The following TLCD4 variants were observed in gnomAD, a reference collection of about 807,000 sequenced individuals.
The protein encoded by TLCD4 is TLC domain-containing protein 4.
TLCD4 carries 7 observed loss-of-function variants against 24.2 expected under a neutral mutation model. The observed-to-expected ratio is 0.29, with a 90% confidence interval of 0.16 to 0.54. The LOEUF (loss-of-function observed/expected upper bound fraction) is 0.54. TLCD4 is among the 20% of genes least tolerant of loss of function. The pLI, the probability that TLCD4 is intolerant of heterozygous loss-of-function variation, is 0.95. For synonymous variants in TLCD4, 103 were observed against 106.4 expected (o/e 0.97, Z 0.20); for missense variants, 259 against 313.9 (o/e 0.82, Z 1.32).
At chr1:95,105,533 C>T in the TLCD4 span, among the ~76,000 whole-genome samples, 2 of 152,168 alleles carry the variant, frequency 1.3e-5, no homozygotes, top group African/African-American at 2.4e-5. Flanking sequence ...TATATTACTT[C>T]ATTTGTTTCT....
intron 6 of TLCD4, among the ~76,000 whole-genome samples, chr1:95,183,815 C>T (rs1355930579): frequency 2.0e-5 from 3 of 151,334 alleles, no homozygotes; most frequent in South Asian, 2.1e-4. Context: ...TCCAGCCTGG[C>T]GACAGAGCAA....
At chr1:95,184,221 T>G (rs1678751145) in intron 6 of TLCD4, among the ~76,000 whole-genome samples, 2 of 152,162 alleles carry the variant, frequency 1.3e-5, no homozygotes, top group Admixed American at 6.5e-5. Context: ...TCTTCATTCC[T>G]CTTGGACTCA....
chr1:95,126,393 A>C (rs1571724228), intron 1 of TLCD4, among the ~76,000 whole-genome samples: 1 of 148,840 alleles, frequency 6.7e-6, no homozygotes, highest in African/African-American at 2.5e-5. Flanking sequence ...ACTCCACTGC[A>C]CTCCAGCCCA....
chr1:95,104,453 A>T, the TLCD4 span, among the ~76,000 whole-genome samples: 1 of 151,774 alleles, frequency 6.6e-6, no homozygotes, highest in Non-Finnish European at 1.5e-5. Flanking sequence ...TCAGGAGGTC[A>T]GGAGATCGAG....
chr1:95,148,926 T>C, intron 3 of TLCD4, 135 bp downstream of exon 3: 3 of 1,220,122 alleles, frequency 2.5e-6, no homozygotes, highest in Non-Finnish European at 3.3e-6. Context: ...TGCTCAGACA[T>C]TCTAGCAAAG....
intron 5 of TLCD4, among the ~76,000 whole-genome samples, chr1:95,159,154 T>A (rs1677712818): frequency 6.6e-6 from 1 of 152,184 alleles, no homozygotes; most frequent in African/African-American, 2.4e-5. Context: ...TTTCTCCACA[T>A]CCTCTCCAGC....
chr1:95,192,159 C>T lies in TLCD4; in HGVS notation c.*291C>T, dbSNP rs552681128. The T allele has an allele frequency of 2.3e-3, 807 of 345,426 alleles. 5 individuals carry two copies. The highest frequency in any genetic ancestry group is 2.9e-3 in the Non-Finnish European group (624 of 213,932). The allele number at this position is 345,426 out of a possible 1,614,324, so 21.4% of individuals were successfully genotyped here. A position where few individuals can be genotyped will look rare whatever the true frequency, so the allele number is the denominator to read the frequency against. Reference sequence around the variant, plus strand: ...AAAAATACAAAAAAAAGTAGCTGGGCGTGGTGGTTGGCGCCTGTAATCCCA... The same window carrying T: ...AAAAATACAAAAAAAAGTAGCTGGGTGTGGTGGTTGGCGCCTGTAATCCCA... On this transcript the variant is annotated 3_prime_UTR_variant, in exon 7 of 7. Transcript: ENST00000370203.
intron 1 of TLCD4, among the ~76,000 whole-genome samples, chr1:95,132,073 A>G (rs1676910605): frequency 6.6e-6 from 1 of 152,210 alleles, no homozygotes; most frequent in African/African-American, 2.4e-5. Context: ...ACTTAGTACA[A>G]AAGTTTTTGC....
chr1:95,179,656 T>C (rs1244046381), intron 6 of TLCD4, among the ~76,000 whole-genome samples: 2 of 152,200 alleles, frequency 1.3e-5, no homozygotes, highest in Non-Finnish European at 2.9e-5. Flanking sequence ...ACAACATAGC[T>C]TAAGAAGAAA....
intron 1 of TLCD4, among the ~76,000 whole-genome samples, chr1:95,118,588 A>G (rs1175775946): frequency 6.6e-6 from 1 of 152,198 alleles, no homozygotes; most frequent in Non-Finnish European, 1.5e-5. Context: ...ATTTAATAAA[A>G]TCTTTACGCA....
intron 1 of TLCD4, among the ~76,000 whole-genome samples, chr1:95,118,790 C>A (rs2100896396): frequency 6.6e-6 from 1 of 152,256 alleles, no homozygotes. Context: ...CTTATCTTTT[C>A]CTTAAATTGG....
chr1:95,106,514 G>A, the TLCD4 span, among the ~76,000 whole-genome samples: 2 of 152,068 alleles, frequency 1.3e-5, no homozygotes, highest in African/African-American at 4.8e-5. Flanking sequence ...CAGCCTGGGC[G>A]ACATGGTGAA....
intron 6 of TLCD4, among the ~76,000 whole-genome samples, chr1:95,190,337 CTTTTCT>C (rs1463074377): frequency 2.7e-5 from 4 of 149,992 alleles, no homozygotes; most frequent in African/African-American, 9.8e-5. Flanking sequence ...CTTTTCTTTT[CTTTTCT>C]TTTTTGAGAT....
At chr1:95,189,185 A>G (rs1678939534) in intron 6 of TLCD4, among the ~76,000 whole-genome samples, 1 of 152,122 alleles carries the variant, frequency 6.6e-6, no homozygotes, top group African/African-American at 2.4e-5. Context: ...ATACATGTAT[A>G]ATGGTTTCAG....
At chr1:95,171,582 A>G (rs1329581540) in intron 5 of TLCD4, among the ~76,000 whole-genome samples, 1 of 152,228 alleles carries the variant, frequency 6.6e-6, no homozygotes, top group Non-Finnish European at 1.5e-5. Flanking sequence ...AAATGAGAAC[A>G]GTTATGATAT....
chr1:95,134,057 A>G (rs970836549), intron 1 of TLCD4, among the ~76,000 whole-genome samples: 1 of 152,062 alleles, frequency 6.6e-6, no homozygotes, highest in African/African-American at 2.4e-5. Context: ...CTTGAAGGAA[A>G]GAAGGCCCTG....
chr1:95,137,658 C>T (rs1190872589), intron 1 of TLCD4, among the ~76,000 whole-genome samples: 4 of 151,844 alleles, frequency 2.6e-5, no homozygotes, highest in Non-Finnish European at 5.9e-5. Flanking sequence ...TTCTTCCCCT[C>T]ATCCCCTCTT....
chr1:95,103,565 T>G, the TLCD4 span, among the ~76,000 whole-genome samples: 1 of 152,216 alleles, frequency 6.6e-6, no homozygotes, highest in Non-Finnish European at 1.5e-5. Flanking sequence ...TCTTATAGAA[T>G]GATTGGGCTT....
intron 1 of TLCD4, among the ~76,000 whole-genome samples, chr1:95,134,585 T>A (rs1676993745): frequency 6.6e-6 from 1 of 151,770 alleles, no homozygotes; most frequent in African/African-American, 2.4e-5. Flanking sequence ...TAGAGGAAGG[T>A]TGTGGGAGGT....
Sources: gnomAD v4.1 joint callset for allele counts (sites outside exome capture counted in the v4.1 genomes callset) on GRCh38, gnomAD v4.1.1 for gene constraint, MANE v1.5 for transcripts, NCBI Gene and HGNC (gene_info 2026-07-23, HGNC 2026-07-21) for gene names.